MYO18A: variants seen among roughly 807,000 people sequenced by gnomAD.
The protein encoded by MYO18A is unconventional myosin-XVIIIa.
Under a neutral mutation model 235.8 loss-of-function variants are expected in MYO18A, and 78 were observed. The ratio of observed to expected loss-of-function variants is 0.33; its 90% CI spans 0.28 to 0.40. The LOEUF (loss-of-function observed/expected upper bound fraction) is 0.40, where lower values mean the gene tolerates loss of function less well. Among genes scored for constraint, MYO18A ranks in the 10% least tolerant of loss-of-function variants. The pLI is 1.00. For synonymous variants in MYO18A, 977 were observed against 1,077.8 expected (o/e 0.91, Z 1.83); for missense variants, 2,215 against 2,699.3 (o/e 0.82, Z 3.98).
At chr17:29,101,460 C>T (rs138968512) in intron 21 of MYO18A, among the ~76,000 whole-genome samples, 1 of 152,278 alleles carries the variant, frequency 6.6e-6, no homozygotes, top group African/African-American at 2.4e-5. Context: ...TGCCCGTCAC[C>T]ATGCCCAGAT....
At chr17:29,079,579 C>T in intron 41 of MYO18A, 1 of 431,256 alleles carries the variant, frequency 2.3e-6, no homozygotes, top group Non-Finnish European at 3.1e-6. Flanking sequence ...GGCCCCTGCT[C>T]ATCAAGGCAG....
At position 29,073,895 on chromosome 17, in the gene MYO18A, C is replaced by T. The variant is rs1360313360; in HGVS notation, c.*875G>A. On this transcript the variant is annotated 3_prime_UTR_variant, in exon 42 of 42. Transcript: ENST00000527372. ...TCTCAAGTTGAGTTTATGGTCCAGA[C>T]CACCTGGACAGAGCAGGAGGGAGGC... The T allele has an allele frequency of 6.2e-7, 1 of 1,610,782 alleles. No homozygotes were observed. Among genetic ancestry groups the T allele is most frequent in the Admixed American group, 1.7e-5 (1 of 59,964 alleles).
At position 29,106,395 on chromosome 17, in the gene MYO18A, C is replaced by A. The variant is rs891644283; in HGVS notation, c.3441+685G>T. 4.6e-5 allele frequency among the ~76,000 whole-genome samples: 7 copies of A among 152,166 alleles called. No homozygotes were observed. The highest frequency in any genetic ancestry group is 4.6e-4 in the Admixed American group (7 of 15,280). On this transcript the variant is annotated intron_variant, in intron 20 of 41. Coordinates refer to ENST00000527372, the MANE Select transcript of MYO18A (RefSeq NM_078471.4). This position sits in a 1 kb window ranked among gnomAD's most constrained non-coding sequence, Gnocchi z 4.6. ...GGGGCACACACAGAGGCAGGCTGGG[C>A]ACTCTGTGGGCTTTCTGCCCCATTC...
At chr17:29,173,836 A>G (rs1468046120) in intron 1 of MYO18A, among the ~76,000 whole-genome samples, 2 of 152,190 alleles carry the variant, frequency 1.3e-5, no homozygotes, top group African/African-American at 2.4e-5. Flanking sequence ...TGGTGGCTCA[A>G]TCATAGATCA....
At chr17:29,173,451 G>C (rs952771953) in intron 1 of MYO18A, among the ~76,000 whole-genome samples, 1 of 139,938 alleles carries the variant, frequency 7.1e-6, no homozygotes, top group African/African-American at 2.7e-5. Context: ...GCAGTGGCAC[G>C]ATCTCTGCTC....
Position 29,119,403 on chromosome 17 carries a change from C to T in MYO18A, c.1761G>A (p.Arg587=), listed in dbSNP as rs1412092626. Residue 587 remains arginine, a synonymous_variant, in exon 8 of 42, where the codon CGG becomes CGA. Coordinates refer to ENST00000527372, the MANE Select transcript of MYO18A (RefSeq NM_078471.4). ...TMLLEKLRVA[R]RPASEATFNV... ...TGAATGTGGCTTCACTGGCTGGGCG[C>T]CGAGCCACACGCAGCTTCTCCAGAA... 1 of 1,611,382 alleles carries T rather than the reference C, an allele frequency of 6.2e-7. No homozygotes were observed. The highest frequency in any genetic ancestry group is 8.5e-7 in the Non-Finnish European group (1 of 1,179,254).
chr17:29,112,429 A>G (rs553136168), intron 15 of MYO18A, among the ~76,000 whole-genome samples: 2 of 152,370 alleles, frequency 1.3e-5, no homozygotes, highest in African/African-American at 4.8e-5. Context: ...CGGACGTGGC[A>G]GCCAAAACGG....
At chr17:29,155,736 G>A (rs1276817325) in intron 2 of MYO18A, among the ~76,000 whole-genome samples, 1 of 152,216 alleles carries the variant, frequency 6.6e-6, no homozygotes. Flanking sequence ...CCTGAGGATG[G>A]AATCCGAGGC....
Position 29,082,382 on chromosome 17 carries a change from G to A in MYO18A, c.5954C>T (p.Ser1985Phe), listed in dbSNP as rs780933910. Residue 1985 changes from serine (S) to phenylalanine (F), a missense_variant, in exon 41 of 42, where the codon TCC (serine) becomes TTC (phenylalanine). Transcript: ENST00000527372. ...AGGTCCCTTGTTTTTTGACAACCAG[G>A]ACTTGACCCCGTCAACACGGTCCTC... ...ELEDRVDGVKSWLSKNKGPSK... is the reference protein window; with the variant it reads ...ELEDRVDGVKFWLSKNKGPSK... 1.2e-6 allele frequency: 2 copies of A among 1,613,900 alleles called. No homozygotes were observed. The highest frequency in any genetic ancestry group is 1.7e-6 in the Non-Finnish European group (2 of 1,179,878).
chr17:29,105,808 G>T, intron 20 of MYO18A, among the ~76,000 whole-genome samples: 1 of 152,038 alleles, frequency 6.6e-6, no homozygotes, highest in East Asian at 1.9e-4. Context: ...GCCCACCAAA[G>T]GCTGAAGACC....
Position 29,098,987 on chromosome 17 carries a change from G to A in MYO18A, c.3637-18C>T. The stretch of plus-strand genomic sequence containing the variant: ...TCCTGGATCTGCAGGTGGGGTGGGG[G>A]TGGTGCACAGCGGGGCTCTCAGTCA... On this transcript the variant is annotated intron_variant, in intron 22 of 41. Coordinates refer to ENST00000527372, the MANE Select transcript of MYO18A (RefSeq NM_078471.4). The A allele has an allele frequency of 6.2e-7, 1 of 1,612,136 alleles. No homozygotes were observed. Among genetic ancestry groups the A allele is most frequent in the Admixed American group, 1.7e-5 (1 of 60,006 alleles).
chr17:29,131,359 C>A, intron 2 of MYO18A: 4 of 982,082 alleles, frequency 4.1e-6, no homozygotes, highest in Non-Finnish European at 4.8e-6. Context: ...ACGCATGCCT[C>A]GGAGAACTCA....
chr17:29,073,874 A>C lies in MYO18A; in HGVS notation c.*896T>G, dbSNP rs777657338. ...TCCTCAACCCCAAGCCTTCCCTCTC[A>C]AGTTGAGTTTATGGTCCAGACCACC... On this transcript the variant is annotated 3_prime_UTR_variant, in exon 42 of 42. Transcript: ENST00000527372. 3 of 1,594,860 alleles carry C rather than the reference A, an allele frequency of 1.9e-6. No homozygotes were observed. In the South Asian group the frequency reaches 3.3e-5, roughly 18 times the overall value.
chr17:29,087,726 C>G (rs1432076185), intron 37 of MYO18A, among the ~76,000 whole-genome samples: 1 of 152,148 alleles, frequency 6.6e-6, no homozygotes, highest in South Asian at 2.1e-4. Flanking sequence ...GGTTCTACCT[C>G]GGACTGGTCC....
At chr17:29,173,999 C>G (rs529074625) in intron 1 of MYO18A, among the ~76,000 whole-genome samples, 27 of 151,838 alleles carry the variant, frequency 1.8e-4, no homozygotes, top group Non-Finnish European at 2.9e-4. Context: ...GTCTCAAACT[C>G]CTGGCCCCAA....
rs1302333378 is a variant in MYO18A, at chr17:29,109,302, C to T, written c.3331+556G>A. Reference sequence around the variant, plus strand: ...TAACCTCTCTGAGCCTCAGTCTCCTCATCTGGAATGATACCAGTGTGCTAT... The same window carrying T: ...TAACCTCTCTGAGCCTCAGTCTCCTTATCTGGAATGATACCAGTGTGCTAT... On this transcript the variant is annotated intron_variant, in intron 19 of 41. Transcript: ENST00000527372. The surrounding 1 kb of genome is among the most constrained non-coding windows in gnomAD (Gnocchi z 4.1). Among the ~76,000 whole-genome samples the T allele has an allele frequency of 6.6e-6, 1 of 152,154 alleles. No homozygotes were observed.
At chr17:29,099,416 T>C (rs765576772) in intron 22 of MYO18A, among the ~76,000 whole-genome samples, 3 of 152,136 alleles carry the variant, frequency 2.0e-5, no homozygotes, top group Non-Finnish European at 2.9e-5. Flanking sequence ...GCCTGGGCCC[T>C]GATTCCCCTA....
At chr17:29,091,742 C>A in intron 34 of MYO18A, 1 of 451,910 alleles carries the variant, frequency 2.2e-6, no homozygotes, top group Non-Finnish European at 4.4e-6. Context: ...CAGCCCAGCC[C>A]AGCCTCCTCC....
intron 2 of MYO18A, among the ~76,000 whole-genome samples, chr17:29,162,161 A>G (rs1009979845): frequency 6.6e-5 from 10 of 151,882 alleles, no homozygotes; most frequent in Admixed American, 4.6e-4. Flanking sequence ...TAGGATCACA[A>G]TCACTCCCTC....
Sources: allele counts gnomAD v4.1 joint callset (sites outside exome capture counted in the v4.1 genomes callset), GRCh38; gene constraint gnomAD v4.1.1; non-coding constraint Gnocchi (gnomAD v3.1); transcripts MANE v1.5; gene names NCBI Gene and HGNC (gene_info 2026-07-23, HGNC 2026-07-21).